SGMS2: variants seen among roughly 807,000 people sequenced by gnomAD.
The protein encoded by SGMS2 is sphingomyelin synthase 2.
In SGMS2, 21 loss-of-function variants were observed where a neutral mutation model predicts 43.8. The observed-to-expected ratio is 0.48, with a 90% confidence interval of 0.34 to 0.69. The LOEUF is 0.69. Among genes scored for constraint, SGMS2 ranks in the 30% least tolerant of loss-of-function variants. The pLI, the probability that SGMS2 is intolerant of heterozygous loss-of-function variation, is 0.01. For missense variants in SGMS2, 384 were observed against 443.2 expected (o/e 0.87, Z 1.20); for synonymous variants, 167 against 160.6 (o/e 1.04, Z -0.30).
chr4:107,831,591 A>G (rs1725894215), intron 1 of SGMS2, among the ~76,000 whole-genome samples: 1 of 152,222 alleles, frequency 6.6e-6, no homozygotes. Flanking sequence ...CTGCACTTCT[A>G]ACTTTTAAAA....
At chr4:107,887,797 CAAT>C in intron 2 of SGMS2, among the ~76,000 whole-genome samples, 1 of 152,212 alleles carries the variant, frequency 6.6e-6, no homozygotes, top group South Asian at 2.1e-4. Context: ...ATTTTCCAAA[CAAT>C]AAGCCTGAAT....
intron 3 of SGMS2, among the ~76,000 whole-genome samples, chr4:107,898,471 T>C (rs956060811): frequency 1.3e-5 from 2 of 152,196 alleles, no homozygotes; most frequent in African/African-American, 4.8e-5. Context: ...CAGAAGTCTT[T>C]GATCACTACC....
At chr4:107,838,642 T>A (rs1726331815) in intron 1 of SGMS2, among the ~76,000 whole-genome samples, 1 of 152,134 alleles carries the variant, frequency 6.6e-6, no homozygotes, top group Non-Finnish European at 1.5e-5. Context: ...TCCACTACTA[T>A]ATTATAATCT....
intron 1 of SGMS2, among the ~76,000 whole-genome samples, chr4:107,833,191 A>C (rs1189793201): frequency 6.6e-6 from 1 of 152,184 alleles, no homozygotes; most frequent in Non-Finnish European, 1.5e-5. Flanking sequence ...ACTAGCAGCA[A>C]TCTCAGGCCT....
chr4:107,831,225 G>A (rs377103288), intron 1 of SGMS2, among the ~76,000 whole-genome samples: 35 of 152,292 alleles, frequency 2.3e-4, no homozygotes, highest in African/African-American at 8.2e-4. Context: ...TAGCTTCAGC[G>A]ATATGTTGGG....
intron 1 of SGMS2, among the ~76,000 whole-genome samples, chr4:107,842,734 T>A (rs963577597): frequency 3.3e-5 from 5 of 152,170 alleles, no homozygotes; most frequent in Non-Finnish European, 7.4e-5. Context: ...AGGCATTACA[T>A]CCTTTTATTG....
At chr4:107,846,467 A>G (rs1726826690) in intron 1 of SGMS2, among the ~76,000 whole-genome samples, 1 of 150,410 alleles carries the variant, frequency 6.6e-6, no homozygotes, top group African/African-American at 2.4e-5. Flanking sequence ...GCTGCATAGT[A>G]TTCCATGGTG....
At chr4:107,827,207 TA>T (rs1462023098) in intron 1 of SGMS2, among the ~76,000 whole-genome samples, 3 of 152,234 alleles carry the variant, frequency 2.0e-5, no homozygotes, top group African/African-American at 7.2e-5. Flanking sequence ...TACCCACCTT[TA>T]GCGTGTTGTC....
At chr4:107,853,336 A>G (rs1199674596) in intron 1 of SGMS2, among the ~76,000 whole-genome samples, 1 of 152,190 alleles carries the variant, frequency 6.6e-6, no homozygotes, top group Non-Finnish European at 1.5e-5. Context: ...TTGCCTTTCA[A>G]TATATTTTAA....
At chr4:107,886,364 ATTTTTTTTTTTTT>A (rs67228519) in intron 2 of SGMS2, among the ~76,000 whole-genome samples, 1 of 106,266 alleles carries the variant, frequency 9.4e-6, no homozygotes, top group African/African-American at 3.8e-5. Flanking sequence ...CACCCAGCTA[ATTTTTTTTTTTTT>A]TTTTTTTTTT....
At chr4:107,908,123 C>T (rs1359035800) in intron 5 of SGMS2, 1 of 157,508 alleles carries the variant, frequency 6.3e-6, no homozygotes, top group African/African-American at 2.4e-5. Flanking sequence ...AATTTAAAAC[C>T]TGAAATTACT....
intron 4 of SGMS2, among the ~76,000 whole-genome samples, chr4:107,900,175 T>C (rs997083262): frequency 2.0e-5 from 3 of 152,064 alleles, no homozygotes; most frequent in African/African-American, 7.2e-5. Context: ...AGGGTTCTAT[T>C]TGATATAGAG....
chr4:107,913,210 A>G lies in SGMS2; in HGVS notation c.*2657A>G, dbSNP rs1390014926. 1 of 152,082 alleles carries G rather than the reference A, an allele frequency of 6.6e-6. No individual in the cohort carries two copies. 9.4% of individuals were successfully genotyped at this position (152,082 alleles called of 1,614,324 possible). On this transcript the variant is annotated 3_prime_UTR_variant, in exon 7 of 7. Transcript: ENST00000690982. ...AATTTAGGTTGTCTGTGAAATACCT[A>G]TAACATATAATTCCTATAGAGTATG...
At chr4:107,837,518 T>C (rs138712168) in intron 1 of SGMS2, among the ~76,000 whole-genome samples, 2 of 152,106 alleles carry the variant, frequency 1.3e-5, no homozygotes, top group African/African-American at 4.8e-5. Context: ...AGGCAAGAGA[T>C]GGGTGTGGCG....
chr4:107,905,762 T>C (rs1466483386), intron 5 of SGMS2, among the ~76,000 whole-genome samples: 2 of 152,220 alleles, frequency 1.3e-5, no homozygotes, highest in African/African-American at 4.8e-5. Context: ...AGTCTACTTA[T>C]CTATAAGCAG....
intron 6 of SGMS2, among the ~76,000 whole-genome samples, chr4:107,910,007 C>A (rs1319005154): frequency 6.6e-6 from 1 of 152,070 alleles, no homozygotes; most frequent in Non-Finnish European, 1.5e-5. Flanking sequence ...AACTTCTGAG[C>A]TCTTCTTTCA....
At chr4:107,866,191 GTTAT>G (rs1728098969) in intron 2 of SGMS2, among the ~76,000 whole-genome samples, 1 of 152,066 alleles carries the variant, frequency 6.6e-6, no homozygotes, top group African/African-American at 2.4e-5. Flanking sequence ...ATAAACTTTT[GTTAT>G]TGATTAATAG....
intron 2 of SGMS2, among the ~76,000 whole-genome samples, chr4:107,862,534 T>G (rs1399847410): frequency 6.6e-6 from 1 of 152,224 alleles, no homozygotes; most frequent in Non-Finnish European, 1.5e-5. Context: ...TAGCTTTGTC[T>G]TAAAAGTTTT....
chr4:107,863,341 G>C (rs1437268778), intron 2 of SGMS2: 2 of 152,158 alleles, frequency 1.3e-5, no homozygotes, highest in Non-Finnish European at 2.9e-5. Context: ...ATTAATGTTA[G>C]CATTTGGGGA....
Sources: gnomAD v4.1 joint callset for allele counts (sites outside exome capture counted in the v4.1 genomes callset) on GRCh38, gnomAD v4.1.1 for gene constraint, MANE v1.5 for transcripts, NCBI Gene and HGNC (gene_info 2026-07-23, HGNC 2026-07-21) for gene names.